The following NELL2 variants were observed in gnomAD, a reference collection of about 807,000 sequenced individuals.
The protein encoded by NELL2 is neural EGFL like 2, also known as protein kinase C-binding protein NELL2.
Under a neutral mutation model 109.6 loss-of-function variants are expected in NELL2, and 41 were observed. That is an observed-to-expected ratio of 0.37 (90% CI 0.29 to 0.49). The LOEUF (loss-of-function observed/expected upper bound fraction) is 0.49, where lower values mean the gene tolerates loss of function less well. NELL2 is among the 20% of genes least tolerant of loss of function. The probability of loss-of-function intolerance (pLI) is 0.98; values close to 1 mark genes in which losing one functional copy is unlikely to be tolerated. For missense variants in NELL2, 900 were observed against 1,008.3 expected (o/e 0.89, Z 1.45); for synonymous variants, 355 against 344.7 (o/e 1.03, Z -0.33).
intron 15 of NELL2, among the ~76,000 whole-genome samples, chr12:44,534,865 C>T (rs1038922289): frequency 6.6e-6 from 1 of 151,948 alleles, no homozygotes; most frequent in Non-Finnish European, 1.5e-5. Context: ...TATATTTAGC[C>T]TTCAAATTAG....
chr12:44,603,695 TC>T (rs1479549330), intron 15 of NELL2, among the ~76,000 whole-genome samples: 1 of 152,088 alleles, frequency 6.6e-6, no homozygotes, highest in Non-Finnish European at 1.5e-5. Flanking sequence ...TTAATTTCGC[TC>T]AGTAAAAATC....
chr12:44,553,247 T>C (rs1943110283), intron 15 of NELL2, among the ~76,000 whole-genome samples: 1 of 143,220 alleles, frequency 7.0e-6, no homozygotes, highest in Non-Finnish European at 1.5e-5. Flanking sequence ...TGTGCACATG[T>C]ACCCTAAAAC....
At chr12:44,844,797 G>A (rs911292464) in intron 2 of NELL2, among the ~76,000 whole-genome samples, 2 of 152,102 alleles carry the variant, frequency 1.3e-5, no homozygotes, top group African/African-American at 2.4e-5. Flanking sequence ...GTCATTTCTG[G>A]AGATCTGATC....
At chr12:44,762,328 A>G (rs1479892469) in intron 9 of NELL2, among the ~76,000 whole-genome samples, 1 of 152,138 alleles carries the variant, frequency 6.6e-6, no homozygotes, top group Non-Finnish European at 1.5e-5. Context: ...TCCTTGATAC[A>G]AAAACCTTGT....
chr12:44,780,038 C>A lies in NELL2; in HGVS notation c.336-16G>T, dbSNP rs1390026604. On this transcript the variant is annotated splice_polypyrimidine_tract_variant and intron_variant, in intron 3 of 19. Transcript: ENST00000429094. ...TTCCAGGTACCTGCAGAGAGAAGAG[C>A]CACATGGGACACATTAAAAATAAAG... The A allele has an allele frequency of 6.2e-7, 1 of 1,608,728 alleles. No individual in the cohort carries two copies. Among genetic ancestry groups the A allele is most frequent in the East Asian group, 2.2e-5 (1 of 44,832 alleles).
chr12:44,777,029 G>C lies in NELL2; in HGVS notation c.762+13C>G. Reference sequence around the variant, plus strand: ...TTTTAAGCTTCCACACTGTATTCTTGAGTAGCTTTTACCTTGGCTGATGTT... The same window carrying C: ...TTTTAAGCTTCCACACTGTATTCTTCAGTAGCTTTTACCTTGGCTGATGTT... On this transcript the variant is annotated intron_variant, in intron 7 of 19. Transcript: ENST00000429094. The C allele has an allele frequency of 1.2e-6, 2 of 1,611,392 alleles. No individual in the cohort carries two copies. The highest frequency in any genetic ancestry group is 8.5e-7 in the Non-Finnish European group (1 of 1,177,596).
intron 3 of NELL2, among the ~76,000 whole-genome samples, chr12:44,810,505 A>T (rs891516438): frequency 6.6e-6 from 1 of 152,120 alleles, no homozygotes; most frequent in Non-Finnish European, 1.5e-5. Flanking sequence ...GAGAGTATTT[A>T]AAAAGTATGC....
intron 1 of NELL2, among the ~76,000 whole-genome samples, chr12:44,892,568 C>T (rs1397687860): frequency 6.6e-6 from 1 of 151,878 alleles, no homozygotes; most frequent in African/African-American, 2.4e-5. Flanking sequence ...GAGGCCGAGG[C>T]AGGCAGATCA....
At chr12:44,523,818 G>A (rs1445685235) in intron 16 of NELL2, among the ~76,000 whole-genome samples, 1 of 152,186 alleles carries the variant, frequency 6.6e-6, no homozygotes, top group Non-Finnish European at 1.5e-5. Flanking sequence ...CAGTTTAGCA[G>A]TGGAAATTCT....
chr12:44,685,546 G>GCC, intron 12 of NELL2, among the ~76,000 whole-genome samples: 1 of 151,982 alleles, frequency 6.6e-6, no homozygotes, highest in African/African-American at 2.4e-5. Flanking sequence ...TTTGCAGCAG[G>GCC]TGGTACTGGT....
At chr12:44,825,347 C>G (rs138134666) in intron 2 of NELL2, among the ~76,000 whole-genome samples, 4 of 149,474 alleles carry the variant, frequency 2.7e-5, no homozygotes, top group Admixed American at 2.0e-4. Context: ...TTTACACCTA[C>G]GTATTTTTAT....
chr12:44,865,802 T>G (rs1944979964), intron 2 of NELL2, among the ~76,000 whole-genome samples: 1 of 38,770 alleles, frequency 2.6e-5, no homozygotes, highest in Non-Finnish European at 5.3e-5. Flanking sequence ...ACCCTAAAAC[T>G]TTAAGTATAA....
chr12:44,521,229 T>C (rs902116691), intron 18 of NELL2, among the ~76,000 whole-genome samples: 17 of 152,210 alleles, frequency 1.1e-4, no homozygotes, highest in African/African-American at 4.1e-4. Context: ...ATCCATATTA[T>C]GTGCAAAACA....
chr12:44,902,718 G>A (rs1480221835), intron 1 of NELL2, among the ~76,000 whole-genome samples: 1 of 152,084 alleles, frequency 6.6e-6, no homozygotes, highest in Admixed American at 6.5e-5. Context: ...TAGACCAATG[G>A]AACAGAACAG....
intron 2 of NELL2, among the ~76,000 whole-genome samples, chr12:44,846,024 T>C (rs1944357922): frequency 6.6e-6 from 1 of 152,100 alleles, no homozygotes; most frequent in African/African-American, 2.4e-5. Context: ...CTTATGAAAA[T>C]GGTAATATAA....
chr12:44,583,536 C>G (rs1944393357), intron 15 of NELL2, among the ~76,000 whole-genome samples: 1 of 152,048 alleles, frequency 6.6e-6, no homozygotes, highest in African/African-American at 2.4e-5. Context: ...ATAAAAGAAA[C>G]TACAAATTAG....
Position 44,703,870 on chromosome 12 carries a change from G to C in NELL2, c.1190-16C>G, listed in dbSNP as rs113764328. On this transcript the variant is annotated splice_polypyrimidine_tract_variant and intron_variant, in intron 11 of 19. Coordinates refer to ENST00000429094, the MANE Select transcript of NELL2 (RefSeq NM_001145108.2). ...AAGTCATAACCTACAGAAAAAAAAAGAAATTTATTAAGGTAAATGAAACTA... is the reference window on the plus strand; with the variant it reads ...AAGTCATAACCTACAGAAAAAAAAACAAATTTATTAAGGTAAATGAAACTA... 691 of 1,591,458 alleles carry C rather than the reference G, an allele frequency of 4.3e-4. 6 individuals carry two copies. The African/African-American group carries it at 8.2e-3, about 19-fold the overall frequency.
intron 14 of NELL2, among the ~76,000 whole-genome samples, chr12:44,609,879 G>T (rs953000486): frequency 6.6e-6 from 1 of 151,892 alleles, no homozygotes; most frequent in Admixed American, 6.6e-5. Flanking sequence ...TAAAGGACAC[G>T]GTATATTTGA....
intron 13 of NELL2, among the ~76,000 whole-genome samples, chr12:44,641,665 C>T (rs560113741): frequency 3.4e-5 from 5 of 145,078 alleles, no homozygotes; most frequent in South Asian, 2.2e-4. Flanking sequence ...TATTTAAACT[C>T]GTGAGGACTT....
Sources: gnomAD v4.1 joint callset for allele counts (sites outside exome capture counted in the v4.1 genomes callset) on GRCh38, gnomAD v4.1.1 for gene constraint, MANE v1.5 for transcripts, NCBI Gene and HGNC (gene_info 2026-07-23, HGNC 2026-07-21) for gene names.